The following AXDND1 variants were observed in gnomAD, a reference collection of about 807,000 sequenced individuals.
The protein encoded by AXDND1 is axonemal dynein light chain domain-containing protein 1.
In AXDND1, 110 loss-of-function variants were observed where a neutral mutation model predicts 137.5. That is an observed-to-expected ratio of 0.80 (90% confidence interval 0.69 to 0.94). AXDND1 has a LOEUF of 0.94. AXDND1 is among the 40% of genes least tolerant of loss of function. The pLI, the probability that AXDND1 is intolerant of heterozygous loss-of-function variation, is 0.00. For synonymous variants in AXDND1, 414 were observed against 399.7 expected, an observed-to-expected ratio of 1.04 and a Z score of -0.43; for missense variants, 1,191 against 1,169.8, an observed-to-expected ratio of 1.02 and a Z score of -0.26.
In AXDND1 at chr1:179,445,075, C is replaced by T. The variant is rs1659537647; in HGVS notation, c.1669C>T (p.Leu557Phe). 1.2e-6 allele frequency: 2 copies of T among 1,613,182 alleles called. No homozygotes were observed. The highest frequency in any genetic ancestry group is 2.2e-5 in the East Asian group (1 of 44,856). Reference protein sequence around the residue: ...HLQENWADIGLGIFNRHKSLE... With the variant: ...HLQENWADIGFGIFNRHKSLE... ...ACAGGAAAACTGGGCAGATATTGGGCTTGGGATATTTAATCGGCATAAAAG... is the reference window on the plus strand; with the variant it reads ...ACAGGAAAACTGGGCAGATATTGGGTTTGGGATATTTAATCGGCATAAAAG... Residue 557 changes from leucine (L) to phenylalanine (F), a missense_variant, in exon 16 of 26, where the codon CTT becomes TTT. Physicochemically the swap from Leu to Phe is conservative, Grantham distance 22. Coordinates refer to ENST00000367618, the MANE Select transcript of AXDND1 (RefSeq NM_144696.6).
intron 11 of AXDND1, among the ~76,000 whole-genome samples, chr1:179,402,224 A>G (rs1652209089): frequency 2.0e-5 from 3 of 151,638 alleles, no homozygotes; most frequent in Non-Finnish European, 4.4e-5. Flanking sequence ...ATGAAAATGG[A>G]CTAATATGTA....
rs201354000 is a variant in AXDND1, at chr1:179,401,258, C to CAAAAAAAAAA, written c.1109+6067_1109+6076dup. ...GGGCAACAAGAACAAAACTCCATCT[C>CAAAAAAAAAA]AAAAAAAAAAAAAAAAAAAAGAACG... On this transcript the variant is annotated intron_variant, in intron 11 of 25. Transcript: ENST00000367618. Among the ~76,000 whole-genome samples the CAAAAAAAAAA allele has an allele frequency of 7.2e-5, 6 of 83,674 alleles. No homozygotes were observed. The South Asian group carries it at 1.4e-3, about 19-fold the overall frequency. The allele number at this position is 83,674 out of a possible 152,430, so 54.9% of individuals were successfully genotyped here.
intron 25 of AXDND1, among the ~76,000 whole-genome samples, chr1:179,553,789 C>T (rs557233697): frequency 1.1e-4 from 17 of 152,254 alleles, no homozygotes; most frequent in African/African-American, 3.6e-4. Flanking sequence ...CTCTGTCACC[C>T]GGGCTGGAGT....
intron 3 of AXDND1, among the ~76,000 whole-genome samples, 159 bp from the exon 4 acceptor site, chr1:179,369,816 T>C (rs1191126974): frequency 3.9e-4 from 59 of 152,216 alleles, no homozygotes; most frequent in Non-Finnish European, 5.9e-5. Context: ...TATTCTAGTT[T>C]TAGTCTTTAT....
intron 20 of AXDND1, among the ~76,000 whole-genome samples, chr1:179,500,270 C>T (rs1667857146): frequency 6.8e-6 from 1 of 147,482 alleles, no homozygotes. Flanking sequence ...TGGATACAAC[C>T]CAATTGATAA....
chr1:179,419,705 A>T (rs2125261817), intron 12 of AXDND1, among the ~76,000 whole-genome samples: 1 of 151,330 alleles, frequency 6.6e-6, no homozygotes, highest in African/African-American at 2.4e-5. Flanking sequence ...GGGAGCATTT[A>T]TTGCTATTTT....
chr1:179,419,478 G>C (rs1338306721), intron 12 of AXDND1, among the ~76,000 whole-genome samples: 1 of 148,628 alleles, frequency 6.7e-6, no homozygotes, highest in African/African-American at 2.5e-5. Flanking sequence ...GTCAGGCGTG[G>C]CGGCGTGCGC....
chr1:179,379,754 C>G (rs980256542), intron 6 of AXDND1, among the ~76,000 whole-genome samples: 1 of 142,974 alleles, frequency 7.0e-6, no homozygotes, highest in African/African-American at 2.6e-5. Flanking sequence ...CAAGATTGCA[C>G]CATTACACTC....
chr1:179,427,574 A>G (rs1349042637), intron 12 of AXDND1, among the ~76,000 whole-genome samples: 1 of 152,194 alleles, frequency 6.6e-6, no homozygotes, highest in Non-Finnish European at 1.5e-5. Flanking sequence ...GACAAATGAA[A>G]TGTTAGTAGG....
chr1:179,516,947 G>A (rs2125661756), intron 21 of AXDND1, among the ~76,000 whole-genome samples: 1 of 152,302 alleles, frequency 6.6e-6, no homozygotes, highest in South Asian at 2.1e-4. Context: ...CCGGGAGGTG[G>A]CACTTTCCAA....
At chr1:179,432,938 A>T (rs1037459055) in intron 15 of AXDND1, among the ~76,000 whole-genome samples, 1 of 152,214 alleles carries the variant, frequency 6.6e-6, no homozygotes, top group Non-Finnish European at 1.5e-5. Context: ...TTTATGAACA[A>T]CAAGGAAAAA....
chr1:179,403,673 A>G (rs1652464843), intron 11 of AXDND1, among the ~76,000 whole-genome samples: 1 of 152,146 alleles, frequency 6.6e-6, no homozygotes, highest in African/African-American at 2.4e-5. Flanking sequence ...TCCTGAATTC[A>G]AGTGATTCTC....
chr1:179,406,387 T>C (rs1257636055), intron 11 of AXDND1, among the ~76,000 whole-genome samples: 1 of 152,170 alleles, frequency 6.6e-6, no homozygotes, highest in Non-Finnish European at 1.5e-5. Context: ...TTCTAAAGTA[T>C]TGCTTAAATC....
At chr1:179,548,802 A>G (rs1266657076) in intron 25 of AXDND1, 2 of 152,144 alleles carry the variant, frequency 1.3e-5, no homozygotes, top group Non-Finnish European at 2.9e-5. Context: ...CCATAACACC[A>G]CTGGTGAGCC....
intron 15 of AXDND1, among the ~76,000 whole-genome samples, chr1:179,435,170 A>G (rs1168451399): frequency 2.0e-5 from 3 of 152,060 alleles, no homozygotes; most frequent in Admixed American, 6.6e-5. Flanking sequence ...GAACTACAAA[A>G]CACTGCTCAA....
At chr1:179,386,578 T>C (rs192906406) in intron 9 of AXDND1, among the ~76,000 whole-genome samples, 17 of 152,272 alleles carry the variant, frequency 1.1e-4, no homozygotes, top group Non-Finnish European at 2.9e-5. Flanking sequence ...GTACTGAAGT[T>C]GTCCCACAGA....
chr1:179,485,290 G>A (rs1428145279), intron 18 of AXDND1, among the ~76,000 whole-genome samples: 2 of 152,214 alleles, frequency 1.3e-5, no homozygotes, highest in Admixed American at 6.5e-5. Context: ...ACCCATTGGA[G>A]TGTTGTGACC....
intron 17 of AXDND1, among the ~76,000 whole-genome samples, chr1:179,471,037 G>A (rs919972076): frequency 6.6e-6 from 1 of 152,008 alleles, no homozygotes; most frequent in African/African-American, 2.4e-5. Context: ...TTCATATGAT[G>A]TATTACATTC....
At chr1:179,411,381 G>C in intron 12 of AXDND1, 115 bp downstream of exon 12, 3 of 1,386,100 alleles carry the variant, frequency 2.2e-6, no homozygotes, top group South Asian at 1.3e-5. Context: ...TACTCACTCT[G>C]TTGCTTAGGC....
Sources: gnomAD v4.1 joint callset for allele counts (sites outside exome capture counted in the v4.1 genomes callset) on GRCh38, gnomAD v4.1.1 for gene constraint, MANE v1.5 for transcripts, NCBI Gene and HGNC (gene_info 2026-07-23, HGNC 2026-07-21) for gene names.